The following STK3 variants were observed in gnomAD, a reference collection of about 807,000 sequenced individuals.
STK3 encodes the protein serine/threonine kinase 3.
A neutral mutation model predicts 58.0 loss-of-function variants in STK3; 41 were observed. The ratio of observed to expected loss-of-function variants is 0.71; its 90% confidence interval spans 0.55 to 0.92. STK3 has a LOEUF of 0.92. STK3 is among the 40% of genes least tolerant of loss of function. The pLI is 0.00. For synonymous variants in STK3, 170 were observed against 191.0 expected, an observed-to-expected ratio of 0.89 and a Z score of 0.91; for missense variants, 479 against 602.7, an observed-to-expected ratio of 0.79 and a Z score of 2.15.
chr8:98,345,014 A>G, the STK3 span, among the ~76,000 whole-genome samples: 2 of 151,878 alleles, frequency 1.3e-5, no homozygotes, highest in Non-Finnish European at 2.9e-5. Flanking sequence ...TTCTATCTCC[A>G]AGGTTATAAA....
At chr8:98,509,648 A>C (rs551185415) in intron 10 of STK3, among the ~76,000 whole-genome samples, 2 of 152,012 alleles carry the variant, frequency 1.3e-5, no homozygotes, top group South Asian at 4.1e-4. Context: ...ACAGATTAAA[A>C]CTTTTAAACT....
Position 98,642,814 on chromosome 8 carries a change from C to T in STK3, c.685-46645G>A, listed in dbSNP as rs184447565. On this transcript the variant is annotated intron_variant, in intron 6 of 10. Coordinates refer to ENST00000419617, the MANE Select transcript of STK3 (RefSeq NM_006281.4). Reference sequence around the variant, plus strand: ...CCAGACAGGCAGATGGATGGACAGGCAGATGGAAGAATGAACAAAATCTCA... The same window carrying T: ...CCAGACAGGCAGATGGATGGACAGGTAGATGGAAGAATGAACAAAATCTCA... Among the ~76,000 whole-genome samples the T allele has an allele frequency of 3.1e-4, 47 of 152,268 alleles. 1 individual carries two copies. Among genetic ancestry groups the T allele is most frequent in the Admixed American group, 2.7e-3 (41 of 15,280 alleles).
chr8:98,492,505 C>G (rs984667455), intron 10 of STK3, among the ~76,000 whole-genome samples: 35 of 151,952 alleles, frequency 2.3e-4, no homozygotes, highest in African/African-American at 8.5e-4. Flanking sequence ...TGCAAATATG[C>G]TGAAGATAGT....
At chr8:98,509,733 C>G (rs1361298966) in intron 10 of STK3, among the ~76,000 whole-genome samples, 1 of 151,824 alleles carries the variant, frequency 6.6e-6, no homozygotes, top group Non-Finnish European at 1.5e-5. Context: ...TGGCCAACAG[C>G]TTTTTAACAA....
chr8:98,866,722 G>A (rs1053449677), intron 3 of STK3, among the ~76,000 whole-genome samples: 2 of 152,226 alleles, frequency 1.3e-5, no homozygotes, highest in Non-Finnish European at 2.9e-5. Context: ...TGAGAGGACT[G>A]AAGTAAACAG....
At chr8:98,355,319 C>T in the STK3 span, among the ~76,000 whole-genome samples, 1 of 152,252 alleles carries the variant, frequency 6.6e-6, no homozygotes, top group African/African-American at 2.4e-5. Flanking sequence ...ATTCTTCCTG[C>T]TCTGCTGTAC....
chr8:98,729,834 A>G (rs1366035344), intron 4 of STK3, among the ~76,000 whole-genome samples: 1 of 152,240 alleles, frequency 6.6e-6, no homozygotes, highest in East Asian at 1.9e-4. Flanking sequence ...CAGAGCCAGG[A>G]TTCAAATCCT....
chr8:98,672,351 C>T (rs1427058670), intron 6 of STK3, among the ~76,000 whole-genome samples: 1 of 152,160 alleles, frequency 6.6e-6, no homozygotes, highest in Non-Finnish European at 1.5e-5. Context: ...CACTGCACTC[C>T]AGCCTGGGCA....
chr8:98,429,367 G>A (rs745804262), intron 3 of STK3: 2 of 1,614,014 alleles, frequency 1.2e-6, no homozygotes, highest in Non-Finnish European at 1.7e-6. Flanking sequence ...ACGAACATGA[G>A]CAGGAGCTCA....
chr8:98,670,036 C>A (rs963538328), intron 6 of STK3, among the ~76,000 whole-genome samples: 3 of 152,086 alleles, frequency 2.0e-5, no homozygotes, highest in Admixed American at 6.6e-5. Flanking sequence ...TTCAGGTTAA[C>A]AAATATTTGA....
chr8:98,538,179 T>C (rs1358268711), intron 9 of STK3, among the ~76,000 whole-genome samples: 1 of 152,228 alleles, frequency 6.6e-6, no homozygotes, highest in African/African-American at 2.4e-5. Flanking sequence ...CTTCTAAAAA[T>C]ATTTTAAGAT....
At chr8:98,369,928 G>T (rs1467740423), downstream of STK3, among the ~76,000 whole-genome samples, 1 of 152,024 alleles carries the variant, frequency 6.6e-6, no homozygotes, top group African/African-American at 2.4e-5. Flanking sequence ...TGGGGTGAGG[G>T]TTCCTGCGTG....
chr8:98,548,882 A>G (rs1282449638), intron 8 of STK3, among the ~76,000 whole-genome samples: 1 of 152,152 alleles, frequency 6.6e-6, no homozygotes, highest in Non-Finnish European at 1.5e-5. Context: ...GGAATCATAC[A>G]ATATATTTTG....
In STK3 at chr8:98,800,367, C is replaced by T. The variant is rs1209214965; in HGVS notation, c.26+25148G>A. Among the ~76,000 whole-genome samples, 5 of 152,204 alleles carry T rather than the reference C, an allele frequency of 3.3e-5. No homozygotes were observed. The highest frequency in any genetic ancestry group is 5.9e-5 in the Non-Finnish European group (4 of 68,038). On this transcript the variant is annotated intron_variant, in intron 1 of 10. Coordinates refer to ENST00000419617, the MANE Select transcript of STK3 (RefSeq NM_006281.4). This position sits in a 1 kb window ranked among gnomAD's most constrained non-coding sequence, Gnocchi z 4.8. ...AGCAGGAAGTAGTTAGAGCGGTCAT[C>T]GGCCAAATTCCCAACAGCAGTTGGG...
At chr8:98,869,477 A>G (rs1321060483) in intron 3 of STK3, among the ~76,000 whole-genome samples, 2 of 152,190 alleles carry the variant, frequency 1.3e-5, no homozygotes, top group African/African-American at 4.8e-5. Flanking sequence ...ATCATCCTGA[A>G]TAATATGGGC....
Position 98,745,082 on chromosome 8 carries a change from T to C in STK3, c.351+4194A>G, listed in dbSNP as rs561596635. On this transcript the variant is annotated intron_variant, in intron 4 of 10. Transcript: ENST00000419617. ...CAGCAAGGTCTTTAAACAATGCCTG[T>C]AGCATAGACAACCCCTCATAAAGAT... Among the ~76,000 whole-genome samples the C allele has an allele frequency of 3.9e-4, 60 of 152,256 alleles. 1 individual carries two copies. The highest frequency in any genetic ancestry group is 1.5e-3 in the South Asian group (7 of 4,824).
At chr8:98,627,309 T>C (rs1720665936) in intron 6 of STK3, among the ~76,000 whole-genome samples, 1 of 149,254 alleles carries the variant, frequency 6.7e-6, no homozygotes, top group South Asian at 2.1e-4. Context: ...AGGTCAGGAG[T>C]TCAAGATCAG....
chr8:98,501,896 T>G (rs1823631932), intron 10 of STK3, among the ~76,000 whole-genome samples: 1 of 152,260 alleles, frequency 6.6e-6, no homozygotes, highest in Admixed American at 6.5e-5. Flanking sequence ...AGGCTTTTTT[T>G]TGGTTCCATA....
intron 1 of STK3, among the ~76,000 whole-genome samples, chr8:98,927,809 G>A (rs1839857329): frequency 6.6e-6 from 1 of 152,162 alleles, no homozygotes; most frequent in African/African-American, 2.4e-5. Context: ...ACGTTCCTAG[G>A]CCACAGAGTG....
Sources: gnomAD v4.1 joint callset for allele counts (sites outside exome capture counted in the v4.1 genomes callset) on GRCh38, gnomAD v4.1.1 for gene constraint, Gnocchi (gnomAD v3.1) non-coding constraint, MANE v1.5 for transcripts, NCBI Gene and HGNC (gene_info 2026-07-23, HGNC 2026-07-21) for gene names.